NCKAP5: variants seen among roughly 807,000 people sequenced by gnomAD.
The protein encoded by NCKAP5 is NCK associated protein 5.
A neutral mutation model predicts 167.0 loss-of-function variants in NCKAP5; 92 were observed. That is an observed-to-expected ratio of 0.55 (90% CI 0.47 to 0.66). NCKAP5 has a LOEUF of 0.66. Among genes scored for constraint, NCKAP5 ranks in the 30% least tolerant of loss-of-function variants. The pLI is 0.00. For missense variants in NCKAP5, 2,378 were observed against 2,315.0 expected, an observed-to-expected ratio of 1.03 and a Z score of -0.56; for synonymous variants, 891 against 877.4, an observed-to-expected ratio of 1.02 and a Z score of -0.27.
chr2:133,436,498 G>C (rs1208342775), intron 3 of NCKAP5, among the ~76,000 whole-genome samples: 1 of 152,072 alleles, frequency 6.6e-6, no homozygotes, highest in East Asian at 1.9e-4. Flanking sequence ...TTCAATGACG[G>C]ACCACAATCT....
chr2:132,818,370 G>C (rs563348088), intron 11 of NCKAP5, among the ~76,000 whole-genome samples: 1 of 152,290 alleles, frequency 6.6e-6, no homozygotes, highest in South Asian at 2.1e-4. Context: ...TTTCTGAAAT[G>C]AGACCTCAGG....
At chr2:132,752,101 T>G (rs1680164030) in intron 16 of NCKAP5, among the ~76,000 whole-genome samples, 1 of 151,788 alleles carries the variant, frequency 6.6e-6, no homozygotes, top group Non-Finnish European at 1.5e-5. Context: ...GATGCATCCC[T>G]GAAGTCATCA....
the NCKAP5 span, among the ~76,000 whole-genome samples, chr2:133,666,786 G>T: frequency 6.6e-6 from 1 of 151,914 alleles, no homozygotes; most frequent in East Asian, 1.9e-4. Context: ...CACACAAATT[G>T]GCACTCCACC....
intron 6 of NCKAP5, among the ~76,000 whole-genome samples, chr2:133,017,392 C>T (rs551169863): frequency 2.0e-5 from 3 of 152,276 alleles, no homozygotes; most frequent in Non-Finnish European, 4.4e-5. Flanking sequence ...ATATACCTTT[C>T]CTTTCCTAAT....
intron 5 of NCKAP5, among the ~76,000 whole-genome samples, chr2:133,198,975 G>A (rs569610923): frequency 1.3e-5 from 2 of 152,064 alleles, no homozygotes; most frequent in Admixed American, 6.5e-5. Flanking sequence ...GAGACAAAGG[G>A]TTTTCAGCAA....
At chr2:132,716,765 A>G (rs937111689) in intron 19 of NCKAP5, among the ~76,000 whole-genome samples, 2 of 152,138 alleles carry the variant, frequency 1.3e-5, no homozygotes, top group Non-Finnish European at 2.9e-5. Context: ...CTCTTTCGAC[A>G]GGAGGGTAAA....
chr2:132,928,122 G>T (rs1696060086), intron 8 of NCKAP5, among the ~76,000 whole-genome samples: 1 of 152,124 alleles, frequency 6.6e-6, no homozygotes, highest in Non-Finnish European at 1.5e-5. Context: ...CAGACTACTT[G>T]GGAATCCAAT....
chr2:133,491,398 A>G (rs550787553), intron 3 of NCKAP5, among the ~76,000 whole-genome samples: 5 of 152,274 alleles, frequency 3.3e-5, no homozygotes, highest in Non-Finnish European at 7.4e-5. Context: ...TGGAGCAGAG[A>G]GGTTAAGACC....
intron 3 of NCKAP5, among the ~76,000 whole-genome samples, chr2:133,431,068 A>G (rs1267945950): frequency 6.6e-6 from 1 of 152,156 alleles, no homozygotes; most frequent in Non-Finnish European, 1.5e-5. Flanking sequence ...TTCATTTTTC[A>G]TGGAAATAAA....
chr2:133,568,856 C>A (rs1211990979), upstream of NCKAP5, among the ~76,000 whole-genome samples: 1 of 152,080 alleles, frequency 6.6e-6, no homozygotes, highest in Non-Finnish European at 1.5e-5. Context: ...TCTTACATTG[C>A]TTAATTACTT....
chr2:132,849,788 A>G (rs944857751), intron 11 of NCKAP5, among the ~76,000 whole-genome samples: 3 of 152,086 alleles, frequency 2.0e-5, no homozygotes, highest in African/African-American at 7.2e-5. Context: ...GCCTCCTTGG[A>G]GTTCAATGAT....
intron 15 of NCKAP5, among the ~76,000 whole-genome samples, chr2:132,778,174 T>C (rs1477470172): frequency 6.6e-6 from 1 of 152,100 alleles, no homozygotes; most frequent in Non-Finnish European, 1.5e-5. Context: ...TTCCCTATTT[T>C]ATAATGATTT....
intron 4 of NCKAP5, among the ~76,000 whole-genome samples, chr2:133,293,969 TGGTCTCCTTTGACCTCAGCA>T (rs1679777528): frequency 6.6e-6 from 1 of 152,202 alleles, no homozygotes; most frequent in African/African-American, 2.4e-5. Context: ...ACGCTAGCCC[TGGTCTCCTTTGACCTCAGCA>T]GGGTGAATCA....
At chr2:132,826,040 T>C (rs1278796578) in intron 11 of NCKAP5, among the ~76,000 whole-genome samples, 1 of 152,218 alleles carries the variant, frequency 6.6e-6, no homozygotes, top group Non-Finnish European at 1.5e-5. Context: ...TTTACTTCTG[T>C]GGAGTTTTCA....
chr2:133,110,318 C>A (rs1478045970), intron 6 of NCKAP5, among the ~76,000 whole-genome samples: 4 of 152,046 alleles, frequency 2.6e-5, no homozygotes, highest in African/African-American at 9.7e-5. Context: ...TCAGCAAGGG[C>A]AATAAAGTAT....
intron 5 of NCKAP5, among the ~76,000 whole-genome samples, chr2:133,168,046 T>G (rs907412745): frequency 6.6e-6 from 1 of 152,158 alleles, no homozygotes; most frequent in East Asian, 1.9e-4. Context: ...GATAATTCTT[T>G]TAATCCTTAC....
intron 3 of NCKAP5, among the ~76,000 whole-genome samples, chr2:133,405,392 C>T (rs2151035496): frequency 6.6e-6 from 1 of 152,316 alleles, no homozygotes; most frequent in East Asian, 1.9e-4. Context: ...AGCACTTCGG[C>T]ACTACTCTTC....
intron 4 of NCKAP5, among the ~76,000 whole-genome samples, chr2:133,288,415 A>T (rs1269938778): frequency 6.6e-6 from 1 of 152,200 alleles, no homozygotes; most frequent in Non-Finnish European, 1.5e-5. Flanking sequence ...AATATAACTG[A>T]ATAAATCCAG....
intron 7 of NCKAP5, among the ~76,000 whole-genome samples, chr2:132,986,448 G>T (rs1024700984): frequency 2.0e-5 from 3 of 152,256 alleles, no homozygotes; most frequent in East Asian, 3.9e-4. Flanking sequence ...TAGATTTAAG[G>T]AGATGCCCAT....
Sources: allele counts gnomAD v4.1 joint callset (sites outside exome capture counted in the v4.1 genomes callset), GRCh38; gene constraint gnomAD v4.1.1; transcripts MANE v1.5; gene names NCBI Gene and HGNC (gene_info 2026-07-23, HGNC 2026-07-21).